The following KCNT2 variants were observed in gnomAD, a reference collection of about 807,000 sequenced individuals.
The protein encoded by KCNT2 is potassium sodium-activated channel subfamily T member 2, also known as potassium channel subfamily T member 2.
A neutral mutation model predicts 153.8 loss-of-function variants in KCNT2; 67 were observed. The observed-to-expected ratio is 0.44, with a 90% CI of 0.36 to 0.53. KCNT2 has a LOEUF of 0.53. Among genes scored for constraint, KCNT2 ranks in the 20% least tolerant of loss-of-function variants. The probability of loss-of-function intolerance (pLI) is 0.00; values close to 1 mark genes in which losing one functional copy is unlikely to be tolerated. For missense variants in KCNT2, 975 were observed against 1,354.8 expected, an observed-to-expected ratio of 0.72 and a Z score of 4.40; for synonymous variants, 500 against 458.8, an observed-to-expected ratio of 1.09 and a Z score of -1.15.
chr1:196,467,268 T>C (rs990165566), intron 7 of KCNT2, among the ~76,000 whole-genome samples: 3 of 152,056 alleles, frequency 2.0e-5, no homozygotes, highest in African/African-American at 4.8e-5. Flanking sequence ...CATTGAGAAA[T>C]TCTGAACCAT....
chr1:196,398,031 T>C (rs1048734539), intron 13 of KCNT2, among the ~76,000 whole-genome samples: 2 of 151,630 alleles, frequency 1.3e-5, no homozygotes, highest in Non-Finnish European at 1.5e-5. Context: ...ATGTGATCTG[T>C]CATTTTTAAA....
chr1:196,425,354 T>C (rs1180611343), intron 11 of KCNT2, among the ~76,000 whole-genome samples: 3 of 151,970 alleles, frequency 2.0e-5, no homozygotes, highest in Non-Finnish European at 2.9e-5. Context: ...CTCTAGTCCA[T>C]GGCAACCATT....
At chr1:196,519,410 C>T (rs2148818616) in intron 1 of KCNT2, among the ~76,000 whole-genome samples, 1 of 151,904 alleles carries the variant, frequency 6.6e-6, no homozygotes, top group African/African-American at 2.4e-5. Flanking sequence ...GCAAACCAAA[C>T]CCAAAGCTAG....
intron 1 of KCNT2, among the ~76,000 whole-genome samples, chr1:196,526,826 T>C (rs1366060188): frequency 6.6e-6 from 1 of 152,160 alleles, no homozygotes; most frequent in African/African-American, 2.4e-5. Context: ...AGTCAGGGAC[T>C]GTGTCTAGCA....
At chr1:196,549,968 A>G (rs1409317632) in intron 1 of KCNT2, among the ~76,000 whole-genome samples, 1 of 151,908 alleles carries the variant, frequency 6.6e-6, no homozygotes, top group African/African-American at 2.4e-5. Flanking sequence ...AGTGGAGATG[A>G]GAAGGCCCCA....
intron 1 of KCNT2, among the ~76,000 whole-genome samples, chr1:196,561,185 TTATACA>T (rs1659331138): frequency 6.6e-6 from 1 of 151,838 alleles, no homozygotes; most frequent in South Asian, 2.1e-4. Context: ...ATTCCACGAC[TTATACA>T]TATATCAGGG....
intron 25 of KCNT2, among the ~76,000 whole-genome samples, chr1:196,278,573 G>A (rs1658794734): frequency 6.6e-6 from 1 of 152,088 alleles, no homozygotes; most frequent in Admixed American, 6.6e-5. Context: ...ACTCCTTGAT[G>A]ACAATTCAAA....
intron 13 of KCNT2, among the ~76,000 whole-genome samples, chr1:196,396,496 T>C (rs773770081): frequency 6.6e-6 from 1 of 151,578 alleles, no homozygotes; most frequent in Non-Finnish European, 1.5e-5. Flanking sequence ...CACTGCCTTT[T>C]GAAAGGAAAA....
intron 1 of KCNT2, among the ~76,000 whole-genome samples, chr1:196,532,693 TGCTGA>T: frequency 6.6e-6 from 1 of 152,178 alleles, no homozygotes; most frequent in African/African-American, 2.4e-5. Flanking sequence ...GATTCTCTGT[TGCTGA>T]GCCAAAATAA....
At chr1:196,259,434 C>G (rs1336442176) in intron 25 of KCNT2, among the ~76,000 whole-genome samples, 1 of 152,022 alleles carries the variant, frequency 6.6e-6, no homozygotes, top group Non-Finnish European at 1.5e-5. Flanking sequence ...TAAAAACATG[C>G]ACATGCAAAT....
At chr1:196,306,677 T>A (rs76432503) in intron 21 of KCNT2, among the ~76,000 whole-genome samples, 66 of 152,130 alleles carry the variant, frequency 4.3e-4, no homozygotes, top group Non-Finnish European at 8.7e-4. Context: ...TTAGTCACCA[T>A]TCAGGTTAAG....
At chr1:196,348,702 A>T (rs1666350178) in intron 14 of KCNT2, among the ~76,000 whole-genome samples, 1 of 152,122 alleles carries the variant, frequency 6.6e-6, no homozygotes, top group South Asian at 2.1e-4. Context: ...AACCAAATGG[A>T]GTACAGAAGA....
At chr1:196,553,252 T>C (rs1013869623) in intron 1 of KCNT2, among the ~76,000 whole-genome samples, 1 of 151,116 alleles carries the variant, frequency 6.6e-6, no homozygotes, top group Non-Finnish European at 1.5e-5. Context: ...AAAGTAGCTA[T>C]ACTTATATGA....
At chr1:196,232,700 C>A (rs781773396) in intron 27 of KCNT2, among the ~76,000 whole-genome samples, 2 of 151,268 alleles carry the variant, frequency 1.3e-5, no homozygotes, top group African/African-American at 4.8e-5. Flanking sequence ...CTTTACCTGT[C>A]CACATTGTGA....
chr1:196,350,119 G>C (rs977108569), intron 14 of KCNT2, among the ~76,000 whole-genome samples: 1 of 152,116 alleles, frequency 6.6e-6, no homozygotes, highest in African/African-American at 2.4e-5. Context: ...TTGGACATTT[G>C]GGTTGGTTCC....
At chr1:196,319,299 T>C (rs2148035451) in intron 20 of KCNT2, among the ~76,000 whole-genome samples, 185 bp downstream of exon 20, 1 of 151,934 alleles carries the variant, frequency 6.6e-6, no homozygotes, top group Non-Finnish European at 1.5e-5. Context: ...AATTCAACAA[T>C]AGATTACTAC....
At chr1:196,256,931 C>T (rs957161563) in intron 26 of KCNT2, among the ~76,000 whole-genome samples, 2 of 151,834 alleles carry the variant, frequency 1.3e-5, no homozygotes, top group Admixed American at 1.3e-4. Flanking sequence ...TCTAAAATGA[C>T]GATCTTACTT....
chr1:196,353,085 G>C (rs1281280845), intron 14 of KCNT2, among the ~76,000 whole-genome samples: 2 of 151,896 alleles, frequency 1.3e-5, no homozygotes, highest in African/African-American at 4.8e-5. Flanking sequence ...TTGTGCTTCA[G>C]GAAACTCACG....
intron 12 of KCNT2, among the ~76,000 whole-genome samples, chr1:196,421,841 A>T (rs959024527): frequency 4.6e-5 from 7 of 151,954 alleles, no homozygotes; most frequent in African/African-American, 1.7e-4. Context: ...TGAGGGAAGG[A>T]TCTGTTCCAG....
Sources: gnomAD v4.1 joint callset for allele counts (sites outside exome capture counted in the v4.1 genomes callset) on GRCh38, gnomAD v4.1.1 for gene constraint, MANE v1.5 for transcripts, NCBI Gene and HGNC (gene_info 2026-07-23, HGNC 2026-07-21) for gene names.